The following CHURC1 variants were observed in gnomAD, a reference collection of about 807,000 sequenced individuals.
CHURC1 encodes churchill domain containing 1.
In CHURC1, 12 loss-of-function variants were observed where a neutral mutation model predicts 15.4. The ratio of observed to expected loss-of-function variants is 0.78; its 90% CI spans 0.50 to 1.27. The LOEUF is 1.27. Among genes scored for constraint, CHURC1 ranks in the 50% most tolerant of loss-of-function variants. The pLI, the probability that CHURC1 is intolerant of heterozygous loss-of-function variation, is 0.00. For missense variants in CHURC1, 132 were observed against 137.8 expected, an observed-to-expected ratio of 0.96 and a Z score of 0.21; for synonymous variants, 42 against 47.5, an observed-to-expected ratio of 0.88 and a Z score of 0.48.
chr14:64,915,228 G>A (rs981065286), intron 1 of CHURC1, among the ~76,000 whole-genome samples: 7 of 152,190 alleles, frequency 4.6e-5, no homozygotes, highest in African/African-American at 1.4e-4. Context: ...AAATTCCTGG[G>A]ATCAAGTGAT....
chr14:64,927,305 C>T (rs577629746), intron 3 of CHURC1, among the ~76,000 whole-genome samples: 1 of 152,184 alleles, frequency 6.6e-6, no homozygotes, highest in East Asian at 1.9e-4. Flanking sequence ...ATATGATATG[C>T]GTAACTTAGG....
At position 64,915,082 on chromosome 14, in the gene CHURC1, G is replaced by C. The variant is rs577732099; in HGVS notation, c.39+548G>C. On this transcript the variant is annotated intron_variant, in intron 1 of 3. Transcript: ENST00000549115. ...ACTTTCAGGTTCAGGAGTTTGCAAAGCTTGTCTATTCTCATTCATTCAAGG... is the reference window on the plus strand; with the variant it reads ...ACTTTCAGGTTCAGGAGTTTGCAAACCTTGTCTATTCTCATTCATTCAAGG... Among the ~76,000 whole-genome samples, 53 of 152,348 alleles carry C rather than the reference G, an allele frequency of 3.5e-4. 2 individuals are homozygous for C. The South Asian group carries it at 0.01, about 30-fold the overall frequency.
At position 64,922,060 on chromosome 14, in the gene CHURC1, C is replaced by G. The variant is rs73281712; in HGVS notation, c.40-1931C>G. ...ATATAAAATTCTAGAACGTGCAAGA[C>G]TGGAGATGGAAATCAGATCAGTGGG... On this transcript the variant is annotated intron_variant, in intron 1 of 3. Coordinates refer to ENST00000549115, the MANE Select transcript of CHURC1 (RefSeq NM_001386928.1). Among the ~76,000 whole-genome samples, 956 of 152,154 alleles carry G rather than the reference C, an allele frequency of 6.3e-3. 9 individuals carry two copies. Among genetic ancestry groups the G allele is most frequent in the African/African-American group, 0.021 (885 of 41,494 alleles).
intron 3 of CHURC1, among the ~76,000 whole-genome samples, chr14:64,929,326 C>G (rs1407855307): frequency 2.0e-5 from 3 of 152,184 alleles, no homozygotes; most frequent in Admixed American, 6.5e-5. Flanking sequence ...TGCCTGAACT[C>G]AAATTCCATC....
At chr14:64,926,353 T>A (rs1041807759) in intron 3 of CHURC1, among the ~76,000 whole-genome samples, 6 of 151,972 alleles carry the variant, frequency 3.9e-5, no homozygotes, top group Non-Finnish European at 7.4e-5. Context: ...GCCCCATGCC[T>A]TTCTTATATC....
chr14:64,914,464 G>A lies in CHURC1; in HGVS notation c.-32G>A, dbSNP rs1328070873. 1.9e-6 allele frequency: 3 copies of A among 1,614,276 alleles called. No homozygotes were observed. The highest frequency in any genetic ancestry group is 2.2e-5 in the East Asian group (1 of 44,886). ...CGCGAGGTTTCGTCTTCCCGGAAGC[G>A]TTGGAGGACATTCCCTGTTGACTGC... is the stretch of plus-strand genomic sequence containing the variant. On this transcript the variant is annotated 5_prime_UTR_variant, in exon 1 of 4. Coordinates refer to ENST00000549115, the MANE Select transcript of CHURC1 (RefSeq NM_001386928.1).
intron 1 of CHURC1, 58 bp from the exon 2 acceptor site, chr14:64,923,933 A>G (rs950295382): frequency 6.9e-7 from 1 of 1,443,100 alleles, no homozygotes; most frequent in African/African-American, 1.4e-5. Flanking sequence ...TCTGTTAATC[A>G]TCTTCACTAA....
chr14:64,927,665 T>G (rs1486944037), intron 3 of CHURC1, among the ~76,000 whole-genome samples: 1 of 150,068 alleles, frequency 6.7e-6, no homozygotes, highest in Non-Finnish European at 1.5e-5. Context: ...GAAATGGTGG[T>G]GAAAATGATT....
At position 64,932,411 on chromosome 14, in the gene CHURC1, T is replaced by C; in HGVS notation, c.*181T>C. 1 of 1,342,526 alleles carries C rather than the reference T, an allele frequency of 7.4e-7. No individual in the cohort carries two copies. The highest frequency in any genetic ancestry group is 2.8e-5 in the East Asian group (1 of 36,294). The allele number at this position is 1,342,526 out of a possible 1,614,324, so 83.2% of individuals were successfully genotyped here. A position where few individuals can be genotyped will look rare whatever the true frequency, so the allele number is the denominator to read the frequency against. ...CTCATTGTTCTCTAGAGCTGAGCTC[T>C]TCTGCTAAAGTTCAAAGTTCACATC... On this transcript the variant is annotated 3_prime_UTR_variant, in exon 4 of 4. Transcript: ENST00000549115.
At chr14:64,928,436 G>A (rs1299455098) in intron 3 of CHURC1, among the ~76,000 whole-genome samples, 1 of 152,196 alleles carries the variant, frequency 6.6e-6, no homozygotes, top group East Asian at 1.9e-4. Context: ...TTTTTGTAGA[G>A]ATGAGATCTC....
rs1482247065 is a variant in CHURC1 at position 64,923,389 on chromosome 14, TCTCTTAAATGC to T, written c.40-600_40-590del. On this transcript the variant is annotated intron_variant, in intron 1 of 3. Coordinates refer to ENST00000549115, the MANE Select transcript of CHURC1 (RefSeq NM_001386928.1). Reference sequence around the variant, plus strand: ...CTTAGTAAAGATGTAAAACCCATTCTCTCTTAAATGCCATTGTGTCAGTCTTACGAAATGAA... The same window carrying T: ...CTTAGTAAAGATGTAAAACCCATTCTCATTGTGTCAGTCTTACGAAATGAA... 1.5e-4 allele frequency among the ~76,000 whole-genome samples: 23 copies of T among 152,266 alleles called. No individual in the cohort carries two copies. In the South Asian group the frequency reaches 4.6e-3, roughly 30 times the overall value.
At chr14:64,931,737 G>T (rs527918270) in intron 3 of CHURC1, among the ~76,000 whole-genome samples, 7 of 152,230 alleles carry the variant, frequency 4.6e-5, no homozygotes, top group African/African-American at 9.6e-5. Flanking sequence ...GATAAAAATA[G>T]CTTTTTCAGT....
At chr14:64,919,267 G>GTTAGTTC (rs1884108093) in intron 1 of CHURC1, among the ~76,000 whole-genome samples, 1 of 152,146 alleles carries the variant, frequency 6.6e-6, no homozygotes, top group South Asian at 2.1e-4. Context: ...ATTTCAGCTT[G>GTTAGTTC]AAATTTTGTT....
At position 64,932,200 on chromosome 14, in the gene CHURC1, T is replaced by A. The variant is rs1218673280; in HGVS notation, c.309T>A (p.Asp103Glu). 6.2e-7 allele frequency: 1 copy of A among 1,614,130 alleles called. No individual in the cohort carries two copies. Among genetic ancestry groups the A allele is most frequent in the Non-Finnish European group, 8.5e-7 (1 of 1,179,960 alleles). The part of the protein sequence containing the change: ...KAEDTISILP[D>E]DPRQMTLLF ...AAGATACTATCAGTATTCTCCCTGATGACCCCCGACAAATGACTCTCTTAT... is the reference window on the plus strand; with the variant it reads ...AAGATACTATCAGTATTCTCCCTGAAGACCCCCGACAAATGACTCTCTTAT... Residue 103 changes from aspartate (D) to glutamate (E), a missense_variant, in exon 4 of 4, where the codon GAT (aspartate) becomes GAA (glutamate). Physicochemically the swap from Asp to Glu is conservative, Grantham distance 45. Transcript: ENST00000549115.
rs1885125242 is a variant in CHURC1, at chr14:64,932,314, C to T, written c.*84C>T. On this transcript the variant is annotated 3_prime_UTR_variant, in exon 4 of 4. Transcript: ENST00000549115. ...GATGGTTTGTCTTATTTCATTCATA[C>T]TGAAAATTCTTTGCATATTTTTTTT... The T allele has an allele frequency of 6.5e-7, 1 of 1,541,076 alleles. No homozygotes were observed. Among genetic ancestry groups the T allele is most frequent in the East Asian group, 2.3e-5 (1 of 43,680 alleles).
chr14:64,920,687 A>T (rs1379224826), intron 1 of CHURC1, among the ~76,000 whole-genome samples: 1 of 152,240 alleles, frequency 6.6e-6, no homozygotes, highest in East Asian at 1.9e-4. Flanking sequence ...AGGCTAGGCC[A>T]CGTTGTGCAA....
intron 2 of CHURC1, among the ~76,000 whole-genome samples, chr14:64,925,696 C>CAAAAAAA (rs3033506): frequency 1.7e-3 from 114 of 66,072 alleles, no homozygotes; most frequent in Middle Eastern, 8.6e-3. Context: ...GACCCGGCCT[C>CAAAAAAA]AAAAAAAAAA....
rs890071354 is a variant in CHURC1 at position 64,934,274 on chromosome 14, C to T, written c.*2044C>T. On this transcript the variant is annotated 3_prime_UTR_variant, in exon 4 of 4. Coordinates refer to ENST00000549115, the MANE Select transcript of CHURC1 (RefSeq NM_001386928.1). ...TGAACAGGAGAATCGCTTGAACCCG[C>T]GACAGGGAGGTTGTGATGAGCCAAG... is the stretch of plus-strand genomic sequence containing the variant. The T allele has an allele frequency of 3.6e-5, 13 of 356,284 alleles. No homozygotes were observed. The highest frequency in any genetic ancestry group is 2.6e-4 in the Admixed American group (4 of 15,506). 22.1% of individuals were successfully genotyped at this position (356,284 alleles called of 1,614,324 possible). A position where few individuals can be genotyped will look rare whatever the true frequency, so the allele number is the denominator to read the frequency against.
chr14:64,921,768 A>G (rs991958775), intron 1 of CHURC1, among the ~76,000 whole-genome samples: 4 of 152,214 alleles, frequency 2.6e-5, no homozygotes, highest in African/African-American at 4.8e-5. Context: ...TTTTTACCAT[A>G]TTAGCAATTC....
Sources: gnomAD v4.1 joint callset for allele counts (sites outside exome capture counted in the v4.1 genomes callset) on GRCh38, gnomAD v4.1.1 for gene constraint, MANE v1.5 for transcripts, NCBI Gene and HGNC (gene_info 2026-07-23, HGNC 2026-07-21) for gene names.